The following CRY2 variants were observed in gnomAD, a reference collection of about 807,000 sequenced individuals.
The protein encoded by CRY2 is cryptochrome circadian regulator 2.
Under a neutral mutation model 69.5 loss-of-function variants are expected in CRY2, and 31 were observed. That is an observed-to-expected ratio of 0.45 (90% CI 0.34 to 0.60). The LOEUF (loss-of-function observed/expected upper bound fraction) is 0.60, where lower values mean the gene tolerates loss of function less well. CRY2 is among the 20% of genes least tolerant of loss of function. The probability of loss-of-function intolerance (pLI) is 0.02; values close to 1 mark genes in which losing one functional copy is unlikely to be tolerated. For missense variants in CRY2, 606 were observed against 797.8 expected, an observed-to-expected ratio of 0.76 and a Z score of 2.90; for synonymous variants, 303 against 312.2, an observed-to-expected ratio of 0.97 and a Z score of 0.31.
At chr11:45,865,805 T>C (rs1349225359) in intron 5 of CRY2, among the ~76,000 whole-genome samples, 2 of 152,158 alleles carry the variant, frequency 1.3e-5, no homozygotes, top group Admixed American at 6.5e-5. Flanking sequence ...CACAGAAGCT[T>C]TCATGAAGAT....
chr11:45,850,045 G>A (rs2086185550), intron 1 of CRY2, among the ~76,000 whole-genome samples: 1 of 149,762 alleles, frequency 6.7e-6, no homozygotes, highest in South Asian at 2.1e-4. Context: ...CTGCTCAAGT[G>A]ACAACCCAAG....
At position 45,881,893 on chromosome 11, in the gene CRY2, AT is replaced by A. The variant is rs1326570145; in HGVS notation, c.*984del. The A allele has an allele frequency of 6.6e-6, 1 of 152,286 alleles. No homozygotes were observed. The highest frequency in any genetic ancestry group is 2.4e-5 in the African/African-American group (1 of 41,456). The allele number at this position is 152,286 out of a possible 1,614,324, so 9.4% of individuals were successfully genotyped here. A position where few individuals can be genotyped will look rare whatever the true frequency, so the allele number is the denominator to read the frequency against. On this transcript the variant is annotated 3_prime_UTR_variant, in exon 12 of 12. Transcript: ENST00000616080. ...CAGCTGACACCCAGCCAGGGAAACC[AT>A]TCTAGTCTTTATTCTGTTGGCTTCC...
At position 45,870,365 on chromosome 11, in the gene CRY2, G is replaced by C. The variant is rs139385343; in HGVS notation, c.1382G>C (p.Arg461Pro). ...YLPKLKAFPS[R>P]YIYEPWNAPE... ...CCCAAATTGAAAGCGTTCCCCTCTC[G>C]ATACATCTATGAGCCCTGGAATGCC... Residue 461 changes from arginine (R) to proline (P), a missense_variant, in exon 9 of 12, where the codon CGA becomes CCA. This residue lies in a region of CRY2 where 173 missense variants were observed against 213.7 expected (regional missense o/e 0.81). Coordinates refer to ENST00000616080, the MANE Select transcript of CRY2 (RefSeq NM_021117.5). 1.9e-6 allele frequency: 3 copies of C among 1,614,036 alleles called. No homozygotes were observed. The highest frequency in any genetic ancestry group is 1.7e-6 in the Non-Finnish European group (2 of 1,180,042).
intron 5 of CRY2, among the ~76,000 whole-genome samples, chr11:45,867,046 A>G (rs1050665118): frequency 1.9e-4 from 29 of 152,228 alleles, no homozygotes; most frequent in African/African-American, 7.0e-4. Context: ...GCAACCAGTG[A>G]TGATAAAAAC....
chr11:45,847,121 T>C (rs2134622385), upstream of CRY2: 2 of 1,475,160 alleles, frequency 1.4e-6, no homozygotes, highest in East Asian at 4.9e-5. Context: ...CCCAGGCAGC[T>C]TCTTCTAGAA....
In CRY2 at chr11:45,867,733, T is replaced by A. The variant is rs2086342933; in HGVS notation, c.863T>A (p.Leu288Gln). Residue 288 changes from leucine (L) to glutamine (Q), a missense_variant, in exon 6 of 12, where the codon CTG becomes CAG. By Grantham distance (113) the Leu-to-Gln change is moderately radical. Around this residue, in one of 5 missense-constraint regions of CRY2, gnomAD observed 382 missense variants for 508.9 expected, o/e 0.75. Coordinates refer to ENST00000616080, the MANE Select transcript of CRY2 (RefSeq NM_021117.5). The part of the protein sequence containing the change: ...CLSCRLFYYR[L>Q]WDLYKKVKRN... ...TCCTGCCGCCTCTTCTACTACCGCC[T>A]GTGGGACCTGTATAAAAAGGTAAGG... 1 of 1,614,090 alleles carries A rather than the reference T, an allele frequency of 6.2e-7. No individual in the cohort carries two copies.
intron 2 of CRY2, 49 bp downstream of exon 2, chr11:45,856,139 G>T (rs1016417826): frequency 1.2e-5 from 16 of 1,387,282 alleles, no homozygotes; most frequent in Non-Finnish European, 1.4e-5. Context: ...GTCCCTGACG[G>T]TTTCCCCACA....
At chr11:45,878,581 G>A (rs1008510849) in intron 11 of CRY2, among the ~76,000 whole-genome samples, 1 of 152,160 alleles carries the variant, frequency 6.6e-6, no homozygotes, top group Non-Finnish European at 1.5e-5. Context: ...GGTTATTATA[G>A]TACAAGCTTA....
At position 45,854,185 on chromosome 11, in the gene CRY2, T is replaced by C. The variant is rs761898415; in HGVS notation, c.216-1797T>C. ...GACAGAGAAAAATGCTGGGGATGGG[T>C]GGAGACCCAAGGGGTAGATAGCAGG... On this transcript the variant is annotated intron_variant, in intron 1 of 11. Coordinates refer to ENST00000616080, the MANE Select transcript of CRY2 (RefSeq NM_021117.5). 1.1e-4 allele frequency among the ~76,000 whole-genome samples: 17 copies of C among 152,260 alleles called. 1 individual carries two copies. Among genetic ancestry groups the C allele is most frequent in the Middle Eastern group, 3.4e-3 (1 of 294 alleles).
At chr11:45,851,701 G>A (rs1336969002) in intron 1 of CRY2, among the ~76,000 whole-genome samples, 3 of 152,196 alleles carry the variant, frequency 2.0e-5, no homozygotes, top group Admixed American at 1.3e-4. Flanking sequence ...CAGATACTTA[G>A]AAATAAATCC....
intron 2 of CRY2, among the ~76,000 whole-genome samples, chr11:45,857,844 A>C (rs1209232802): frequency 6.6e-6 from 1 of 152,252 alleles, no homozygotes; most frequent in African/African-American, 2.4e-5. Flanking sequence ...TAATGCTGAT[A>C]TCCTCGAATG....
At position 45,869,631 on chromosome 11, in the gene CRY2, G is replaced by C. The variant is rs2086359419; in HGVS notation, c.1008G>C (p.Gln336His). Residue 336 changes from glutamine (Q) to histidine (H), a missense_variant, in exon 7 of 12, where the codon CAG becomes CAC. By Grantham distance (24) the Gln-to-His change is conservative. This residue lies in a region of CRY2 where 382 missense variants were observed against 508.9 expected (regional missense o/e 0.75). Coordinates refer to ENST00000616080, the MANE Select transcript of CRY2 (RefSeq NM_021117.5). ...TGGAGGGGAACCCCATCTGCATCCA[G>C]ATCCCCTGGGACCGCAATCCTGAGG... ...DRMEGNPICI[Q>H]IPWDRNPEAL... 1 of 1,614,154 alleles carries C rather than the reference G, an allele frequency of 6.2e-7. No homozygotes were observed. The highest frequency in any genetic ancestry group is 1.7e-5 in the Admixed American group (1 of 60,014).
Position 45,882,896 on chromosome 11 carries a change from T to C in CRY2, c.*1985T>C. 1 of 395,096 alleles carries C rather than the reference T, an allele frequency of 2.5e-6. No individual in the cohort carries two copies. The highest frequency in any genetic ancestry group is 4.5e-6 in the Non-Finnish European group (1 of 224,372). 24.5% of individuals were successfully genotyped at this position (395,096 alleles called of 1,614,324 possible). On this transcript the variant is annotated 3_prime_UTR_variant, in exon 12 of 12. Transcript: ENST00000616080. ...TAAGGTACAGGTTGGCAGGACCACC[T>C]CCGCCTACTTCTCCACCATCCCTAG... is the stretch of plus-strand genomic sequence containing the variant.
rs1051976404 is a variant in CRY2 at position 45,870,187 on chromosome 11, C to T, written c.1329C>T (p.Pro443=). ...CPVGFGRRTD[P]SGDYIRRYLP... The stretch of plus-strand genomic sequence containing the variant: ...TGGGCTTTGGCCGTCGCACGGACCC[C>T]AGTGGGGACTACATCAGGTGAGGAT... The change falls in exon 8 of 12, where the codon CCC becomes CCT. Residue 443 remains proline (P), a synonymous_variant. Coordinates refer to ENST00000616080, the MANE Select transcript of CRY2 (RefSeq NM_021117.5). 5 of 1,612,808 alleles carry T rather than the reference C, an allele frequency of 3.1e-6. No homozygotes were observed. In the African/African-American group the frequency reaches 5.3e-5, roughly 17 times the overall value.
intron 4 of CRY2, chr11:45,861,773 A>T: frequency 2.5e-6 from 1 of 397,084 alleles, no homozygotes; most frequent in Non-Finnish European, 4.6e-6. Flanking sequence ...AGCCTTTTTC[A>T]CCTGAAAACC....
intron 5 of CRY2, 60 bp downstream of exon 5, chr11:45,862,208 C>A (rs2086293660): frequency 4.7e-6 from 7 of 1,497,340 alleles, no homozygotes; most frequent in Non-Finnish European, 6.4e-6. Flanking sequence ...GCAGGAGATA[C>A]AGGTCATGTC....
At chr11:45,855,582 A>G (rs2086233074) in intron 1 of CRY2, among the ~76,000 whole-genome samples, 1 of 152,248 alleles carries the variant, frequency 6.6e-6, no homozygotes, top group African/African-American at 2.4e-5. Flanking sequence ...CTGATCACAC[A>G]GAAACACCAC....
chr11:45,862,332 T>TA (rs2086294399), intron 5 of CRY2, among the ~76,000 whole-genome samples, 184 bp downstream of exon 5: 1 of 152,234 alleles, frequency 6.6e-6, no homozygotes, highest in Non-Finnish European at 1.5e-5. Context: ...AGAGAGTACT[T>TA]ACCATGTGCT....
intron 6 of CRY2, chr11:45,868,059 G>A (rs917496246): frequency 3.0e-6 from 1 of 327,950 alleles, no homozygotes; most frequent in Non-Finnish European, 5.7e-6. Context: ...TGGTGGACAG[G>A]GGCGAGGTCC....
Sources: allele counts gnomAD v4.1 joint callset (sites outside exome capture counted in the v4.1 genomes callset), GRCh38; gene constraint gnomAD v4.1.1; regional missense constraint gnomAD v4.1.1; transcripts MANE v1.5; gene names NCBI Gene and HGNC (gene_info 2026-07-23, HGNC 2026-07-21).